BRWD1: variants seen among roughly 807,000 people sequenced by gnomAD.
BRWD1 encodes bromodomain and WD repeat-containing protein 1.
BRWD1 carries 82 observed loss-of-function variants against 251.2 expected under a neutral mutation model. The observed-to-expected ratio is 0.33, with a 90% CI of 0.27 to 0.39. BRWD1 has a LOEUF of 0.39. Ranked by LOEUF, BRWD1 falls within the 10% of genes least tolerant of loss-of-function variation. BRWD1 has a pLI of 1.00. For synonymous variants in BRWD1, 918 were observed against 902.8 expected (o/e 1.02, Z -0.30); for missense variants, 2,233 against 2,711.6 (o/e 0.82, Z 3.92).
chr21:39,276,779 T>C (rs1041761803), intron 11 of BRWD1, among the ~76,000 whole-genome samples: 1 of 152,150 alleles, frequency 6.6e-6, no homozygotes, highest in Non-Finnish European at 1.5e-5. Context: ...CACTTAAAGT[T>C]AACCCACCCA....
At chr21:39,255,537 A>G (rs2034536691) in intron 19 of BRWD1, 108 bp downstream of exon 19, 4 of 892,208 alleles carry the variant, frequency 4.5e-6, no homozygotes, top group Non-Finnish European at 6.7e-6. Flanking sequence ...CATTACTAAT[A>G]TATTTATACA....
At chr21:39,213,035 T>C (rs2032730266) in intron 33 of BRWD1, among the ~76,000 whole-genome samples, 1 of 152,178 alleles carries the variant, frequency 6.6e-6, no homozygotes, top group East Asian at 1.9e-4. Context: ...AACATACAGA[T>C]TCCTATAGTT....
chr21:39,184,481 A>C (rs1413297462), downstream of BRWD1: 1 of 152,090 alleles, frequency 6.6e-6, no homozygotes, highest in African/African-American at 2.4e-5. Flanking sequence ...CAATGAAAAA[A>C]CCGTTTCCTA....
chr21:39,300,680 A>G (rs2036085629), intron 4 of BRWD1, among the ~76,000 whole-genome samples: 1 of 152,214 alleles, frequency 6.6e-6, no homozygotes, highest in African/African-American at 2.4e-5. Flanking sequence ...AAGTTACAGC[A>G]TACCTCAAAA....
At chr21:39,259,769 G>A (rs529979906) in intron 17 of BRWD1, among the ~76,000 whole-genome samples, 47 of 152,196 alleles carry the variant, frequency 3.1e-4, no homozygotes, top group African/African-American at 9.6e-4. Flanking sequence ...CCCAGGAGGC[G>A]AAGGTTGCAG....
upstream of BRWD1, chr21:39,314,127 C>T (rs186419362): frequency 4.4e-5 from 20 of 455,980 alleles, no homozygotes; most frequent in East Asian, 4.2e-4. Flanking sequence ...TTGCCCCGCA[C>T]GGAAGACCCC....
intron 29 of BRWD1, among the ~76,000 whole-genome samples, chr21:39,223,826 A>G (rs2033274086): frequency 6.6e-6 from 1 of 152,168 alleles, no homozygotes; most frequent in South Asian, 2.1e-4. Context: ...TAGGAAAAGT[A>G]GAGGCTACAT....
At chr21:39,281,493 A>G (rs1326309258) in intron 8 of BRWD1, among the ~76,000 whole-genome samples, 4 of 152,156 alleles carry the variant, frequency 2.6e-5, no homozygotes, top group African/African-American at 9.7e-5. Flanking sequence ...CCAAGAGTTC[A>G]AGACCAGCCT....
chr21:39,211,028 T>C (rs2032633408), intron 34 of BRWD1, 99 bp from the exon 35 acceptor site: 1 of 1,195,780 alleles, frequency 8.4e-7, no homozygotes. Flanking sequence ...AATACAATAA[T>C]GTCATATATG....
chr21:39,305,729 G>A (rs2036264524), intron 4 of BRWD1, among the ~76,000 whole-genome samples: 1 of 152,074 alleles, frequency 6.6e-6, no homozygotes, highest in African/African-American at 2.4e-5. Flanking sequence ...TGGGCATGGT[G>A]GCATGTGCCT....
chr21:39,194,897 T>TA lies in BRWD1; in HGVS notation c.*1361dup, dbSNP rs1189750186. The TA allele has an allele frequency of 2.6e-6, 4 of 1,525,064 alleles. No homozygotes were observed. The African/African-American group carries it at 5.5e-5, about 21-fold the overall frequency. The allele number at this position is 1,525,064 out of a possible 1,614,324, so 94.5% of individuals were successfully genotyped here. A position where few individuals can be genotyped will look rare whatever the true frequency, so the allele number is the denominator to read the frequency against. On this transcript the variant is annotated 3_prime_UTR_variant, in exon 41 of 41. Transcript: ENST00000342449. ...ATCAAACACAATTAGGGCTAATAAA[T>TA]AACTTACAGGTGGGGTACTGTAACA...
rs2031500063 is a variant in BRWD1 at position 39,190,579 on chromosome 21, C to A, written c.*5680G>T. The A allele has an allele frequency of 1.0e-6, 1 of 985,376 alleles. No individual in the cohort carries two copies. The highest frequency in any genetic ancestry group is 1.2e-6 in the Non-Finnish European group (1 of 829,912). The allele number at this position is 985,376 out of a possible 1,614,324, so 61.0% of individuals were successfully genotyped here. A position where few individuals can be genotyped will look rare whatever the true frequency, so the allele number is the denominator to read the frequency against. On this transcript the variant is annotated 3_prime_UTR_variant, in exon 41 of 41. Transcript: ENST00000342449. Reference sequence around the variant, plus strand: ...TTTATCAGAAAAGACTTGAGATATTCTCTCCTCTGTCTGCCCTTCATTGAT... The same window carrying A: ...TTTATCAGAAAAGACTTGAGATATTATCTCCTCTGTCTGCCCTTCATTGAT...
chr21:39,312,531 T>C (rs2036523597), intron 4 of BRWD1: 2 of 264,622 alleles, frequency 7.6e-6, no homozygotes, highest in South Asian at 1.0e-4. Context: ...CCCAGTTGAA[T>C]GGCTGGCTGC....
At chr21:39,246,339 G>A (rs1258720972) in intron 21 of BRWD1, among the ~76,000 whole-genome samples, 1 of 152,144 alleles carries the variant, frequency 6.6e-6, no homozygotes, top group African/African-American at 2.4e-5. Context: ...CATTAAGATA[G>A]CATAAATAAA....
In BRWD1 at chr21:39,198,827, A is replaced by G; in HGVS notation, c.5589T>C (p.His1863=). 1 of 1,612,472 alleles carries G rather than the reference A, an allele frequency of 6.2e-7. No homozygotes were observed. The highest frequency in any genetic ancestry group is 8.5e-7 in the Non-Finnish European group (1 of 1,179,550). The part of the protein sequence containing the change: ...PIAMSQCSSD[H]GCETDLDSDD... ...CTGAATCTAAATCAGTTTCACATCC[A>G]TGATCTGAGGAACACTGGGACATAG... is the stretch of plus-strand genomic sequence containing the variant. Residue 1863 remains histidine (H), a synonymous_variant, in exon 40 of 41, where the codon CAT becomes CAC. Coordinates refer to ENST00000342449, the MANE Select transcript of BRWD1 (RefSeq NM_033656.4).
rs1222904760 is a variant in BRWD1 at position 39,189,789 on chromosome 21, G to T, written c.*6470C>A. The T allele has an allele frequency of 1.0e-6, 1 of 984,442 alleles. No individual in the cohort carries two copies. 61.0% of individuals were successfully genotyped at this position (984,442 alleles called of 1,614,324 possible). A position where few individuals can be genotyped will look rare whatever the true frequency, so the allele number is the denominator to read the frequency against. On this transcript the variant is annotated 3_prime_UTR_variant, in exon 41 of 41. Transcript: ENST00000342449. ...ACAAACAGTTTTAGAAATATATATA[G>T]GATATTTCAGGGTTAGAAGTCAAAT...
In BRWD1 at chr21:39,277,332, T is replaced by C; in HGVS notation, c.1023A>G (p.Thr341=). Reference sequence around the variant, plus strand: ...TTCTGATTACATGATCAGTACTACCTGTGGCTAAAAACATACCACCTGAAA... The same window carrying C: ...TTCTGATTACATGATCAGTACTACCCGTGGCTAAAAACATACCACCTGAAA... ...SFSVGGMFLA[T]GSTDHVIRMY... is the part of the protein sequence containing the mutation. The change falls in exon 11 of 41, where the codon ACA becomes ACG. Residue 341 remains threonine (T), a synonymous_variant. Coordinates refer to ENST00000342449, the MANE Select transcript of BRWD1 (RefSeq NM_033656.4). The C allele has an allele frequency of 6.3e-7, 1 of 1,597,562 alleles. No homozygotes were observed. Among genetic ancestry groups the C allele is most frequent in the Non-Finnish European group, 8.5e-7 (1 of 1,171,702 alleles).
chr21:39,312,882 C>T lies in BRWD1; in HGVS notation c.157G>A (p.Asp53Asn). 6.4e-7 allele frequency: 1 copy of T among 1,563,366 alleles called. No individual in the cohort carries two copies. Among genetic ancestry groups the T allele is most frequent in the Non-Finnish European group, 8.6e-7 (1 of 1,157,698 alleles). Reference protein sequence around the residue: ...EQYQLLPKRLDWEGNEHNRSY... With the variant: ...EQYQLLPKRLNWEGNEHNRSY... ...CTGTTGTGCTCGTTGCCCTCCCAGT[C>T]CAATCTCTTCGGCAACAACTGGAAA... Residue 53 changes from aspartate to asparagine, a missense_variant, in exon 4 of 41, where the codon GAC becomes AAC. Coordinates refer to ENST00000342449, the MANE Select transcript of BRWD1 (RefSeq NM_033656.4).
intron 37 of BRWD1, among the ~76,000 whole-genome samples, chr21:39,205,710 G>A (rs541992162): frequency 6.6e-6 from 1 of 151,854 alleles, no homozygotes; most frequent in East Asian, 2.0e-4. Flanking sequence ...GGCAGAGGTT[G>A]CAGTCAGCCA....
Sources: gnomAD v4.1 joint callset for allele counts (sites outside exome capture counted in the v4.1 genomes callset) on GRCh38, gnomAD v4.1.1 for gene constraint, MANE v1.5 for transcripts, NCBI Gene and HGNC (gene_info 2026-07-23, HGNC 2026-07-21) for gene names.